IGF2BP2: variants seen among roughly 807,000 people sequenced by gnomAD.
IGF2BP2 encodes insulin-like growth factor 2 mRNA-binding protein 2.
IGF2BP2 carries 17 observed loss-of-function variants against 75.8 expected under a neutral mutation model. That is an observed-to-expected ratio of 0.22 (90% CI 0.15 to 0.34). IGF2BP2 has a LOEUF of 0.34. Ranked by LOEUF, IGF2BP2 falls within the 10% of genes least tolerant of loss-of-function variation. The probability of loss-of-function intolerance (pLI) is 1.00; values close to 1 mark genes in which losing one functional copy is unlikely to be tolerated. For missense variants in IGF2BP2, 516 were observed against 772.4 expected (o/e 0.67, Z 3.93); for synonymous variants, 288 against 295.6 (o/e 0.97, Z 0.26).
chr3:185,788,710 C>CTTT (rs1158869748), intron 2 of IGF2BP2, among the ~76,000 whole-genome samples: 12 of 100,222 alleles, frequency 1.2e-4, no homozygotes, highest in South Asian at 3.5e-4. Context: ...TGACAAACGA[C>CTTT]TTTTTTTTTT....
intron 2 of IGF2BP2, among the ~76,000 whole-genome samples, chr3:185,728,008 A>G (rs1727593144): frequency 6.6e-6 from 1 of 152,130 alleles, no homozygotes; most frequent in African/African-American, 2.4e-5. Context: ...AACTAATGAG[A>G]TTTACTATAA....
intron 2 of IGF2BP2, among the ~76,000 whole-genome samples, chr3:185,792,250 T>A (rs1335718870): frequency 6.6e-6 from 1 of 152,110 alleles, no homozygotes; most frequent in African/African-American, 2.4e-5. Context: ...AAAGCAGCTA[T>A]AAAGAATAAA....
intron 2 of IGF2BP2, among the ~76,000 whole-genome samples, chr3:185,737,329 G>T (rs1728988775): frequency 6.6e-6 from 1 of 152,122 alleles, no homozygotes; most frequent in South Asian, 2.1e-4. Context: ...GGTGCTCCTT[G>T]TTTCCTAAGA....
chr3:185,824,789 G>T lies in IGF2BP2; in HGVS notation c.172C>A (p.Leu58Ile). 8 of 1,416,874 alleles carry T rather than the reference G, an allele frequency of 5.6e-6. No individual in the cohort carries two copies. The highest frequency in any genetic ancestry group is 7.5e-6 in the Non-Finnish European group (8 of 1,066,584). 87.8% of individuals were successfully genotyped at this position (1,416,874 alleles called of 1,614,324 possible). Residue 58 changes from leucine (L) to isoleucine (I), a missense_variant, in exon 1 of 16, where the codon CTC becomes ATC. Leu to Ile is a conservative substitution (Grantham distance 5). This residue lies in a region of IGF2BP2 where 312 missense variants were observed against 474.5 expected (regional missense o/e 0.66). Transcript: ENST00000382199. ...QNWAIRAIET[L>I]SGKVELHGKI... ...GGCCGCGCTGAGTGCTCACCCGAGA[G>T]GGTCTCGATGGCGCGGATGGCCCAG...
At chr3:185,668,536 G>A (rs886585207) in intron 10 of IGF2BP2, among the ~76,000 whole-genome samples, 2 of 134,646 alleles carry the variant, frequency 1.5e-5, no homozygotes, top group African/African-American at 2.8e-5. Flanking sequence ...TATATATAGT[G>A]TACTACATAT....
intron 2 of IGF2BP2, chr3:185,718,088 C>G (rs574996030): frequency 2.4e-4 from 37 of 152,318 alleles, no homozygotes; most frequent in African/African-American, 8.9e-4. Flanking sequence ...CTGACTAGGG[C>G]AGGGCTGGGC....
At position 185,653,092 on chromosome 3, in the gene IGF2BP2, G is replaced by A. The variant is rs560507713; in HGVS notation, c.1387-924C>T. ...GATCCGCCCACCTTGGCCTTCCAAA[G>A]TGCTGGGATTACAGGTGTGAGCCAC... On this transcript the variant is annotated intron_variant, in intron 12 of 15. Coordinates refer to ENST00000382199, the MANE Select transcript of IGF2BP2 (RefSeq NM_006548.6). Among the ~76,000 whole-genome samples, 87 of 152,246 alleles carry A rather than the reference G, an allele frequency of 5.7e-4. No homozygotes were observed. The Middle Eastern group carries it at 0.01, about 18-fold the overall frequency.
intron 2 of IGF2BP2, among the ~76,000 whole-genome samples, chr3:185,803,061 C>T (rs1738494873): frequency 6.6e-6 from 1 of 152,290 alleles, no homozygotes; most frequent in South Asian, 2.1e-4. Context: ...ATTAAAATAG[C>T]CCCAAATCAG....
chr3:185,793,550 G>A (rs1370259806), intron 2 of IGF2BP2, among the ~76,000 whole-genome samples: 1 of 151,966 alleles, frequency 6.6e-6, no homozygotes, highest in Non-Finnish European at 1.5e-5. Context: ...GAAACCTCAG[G>A]GGACAGATTA....
At chr3:185,747,847 C>T (rs993542444) in intron 2 of IGF2BP2, among the ~76,000 whole-genome samples, 5 of 39,264 alleles carry the variant, frequency 1.3e-4, no homozygotes, top group African/African-American at 1.1e-3. Flanking sequence ...TACTCTACTC[C>T]AATTTTATTT....
At chr3:185,684,334 C>T (rs760191950) in intron 7 of IGF2BP2, among the ~76,000 whole-genome samples, 6 of 152,160 alleles carry the variant, frequency 3.9e-5, no homozygotes, top group Non-Finnish European at 8.8e-5. Flanking sequence ...CCCCCTAAAA[C>T]CCTCATTAGG....
chr3:185,756,235 T>C (rs549337289), intron 2 of IGF2BP2, among the ~76,000 whole-genome samples: 1 of 152,262 alleles, frequency 6.6e-6, no homozygotes, highest in East Asian at 1.9e-4. Context: ...ACACGCCTGC[T>C]CTCCCTTCAC....
intron 2 of IGF2BP2, among the ~76,000 whole-genome samples, chr3:185,732,601 G>A (rs1048953835): frequency 1.6e-4 from 24 of 152,258 alleles, no homozygotes; most frequent in African/African-American, 5.5e-4. Context: ...CTAGGGAGAC[G>A]GCTGGCCTCC....
intron 2 of IGF2BP2, among the ~76,000 whole-genome samples, chr3:185,709,043 A>G (rs1022295309): frequency 6.6e-6 from 1 of 152,226 alleles, no homozygotes; most frequent in Non-Finnish European, 1.5e-5. Context: ...TCAACTCATT[A>G]TCTGTAATTA....
chr3:185,665,055 C>CTCAAGAAGCTGA (rs1471232129), intron 10 of IGF2BP2, among the ~76,000 whole-genome samples: 1 of 151,288 alleles, frequency 6.6e-6, no homozygotes, highest in Non-Finnish European at 1.5e-5. Context: ...GTCCCTGCTA[C>CTCAAGAAGCTGA]TCAAGAAGCT....
At chr3:185,781,549 A>T (rs750486403) in intron 2 of IGF2BP2, among the ~76,000 whole-genome samples, 1 of 152,192 alleles carries the variant, frequency 6.6e-6, no homozygotes, top group Non-Finnish European at 1.5e-5. Flanking sequence ...TTAAATAATA[A>T]TATTAAAATA....
intron 4 of IGF2BP2, 46 bp downstream of exon 4, chr3:185,696,566 A>G: frequency 1.3e-6 from 2 of 1,518,980 alleles, no homozygotes; most frequent in South Asian, 1.1e-5. Context: ...AAGAAATAAC[A>G]GATAATATCT....
intron 2 of IGF2BP2, among the ~76,000 whole-genome samples, chr3:185,753,271 G>A (rs938434326): frequency 3.9e-5 from 6 of 152,094 alleles, no homozygotes; most frequent in East Asian, 1.9e-4. Context: ...CTTGCGGAAC[G>A]GGGTGCTCTC....
In IGF2BP2 at chr3:185,696,662, A is replaced by G. The variant is rs1482627057; in HGVS notation, c.290T>C (p.Val97Ala). The G allele has an allele frequency of 6.2e-7, 1 of 1,613,624 alleles. No individual in the cohort carries two copies. Among genetic ancestry groups the G allele is most frequent in the Admixed American group, 1.7e-5 (1 of 60,014 alleles). ...ATATTGAGCCAAAAGTCCATCCAAC[A>G]CCTAAAAGAGAAAGCTTCCATGTCA... is the stretch of plus-strand genomic sequence containing the variant. ...RNIPPHLQWE[V>A]LDGLLAQYGT... The change falls in exon 4 of 16, where the codon GTG becomes GCG. Residue 97 changes from valine to alanine, a missense_variant and splice_region_variant. Physicochemically the swap from Val to Ala is moderately conservative, Grantham distance 64. This residue lies in a region of IGF2BP2 where 312 missense variants were observed against 474.5 expected (regional missense o/e 0.66). Transcript: ENST00000382199.
Sources: gnomAD v4.1 joint callset for allele counts (sites outside exome capture counted in the v4.1 genomes callset) on GRCh38, gnomAD v4.1.1 for gene constraint, gnomAD v4.1.1 regional missense constraint, MANE v1.5 for transcripts, NCBI Gene and HGNC (gene_info 2026-07-23, HGNC 2026-07-21) for gene names.